MSI2: variants seen among roughly 807,000 people sequenced by gnomAD.
The protein encoded by MSI2 is musashi RNA binding protein 2.
In MSI2, 17 loss-of-function variants were observed where a neutral mutation model predicts 45.6. The observed-to-expected ratio is 0.37, with a 90% CI of 0.26 to 0.56. The LOEUF is 0.56. Among genes scored for constraint, MSI2 ranks in the 20% least tolerant of loss-of-function variants. The pLI is 0.77. For missense variants in MSI2, 293 were observed against 444.2 expected (o/e 0.66, Z 3.06); for synonymous variants, 156 against 158.2 (o/e 0.99, Z 0.11).
At chr17:57,609,039 T>C (rs906787583) in intron 8 of MSI2, among the ~76,000 whole-genome samples, 2 of 152,138 alleles carry the variant, frequency 1.3e-5, no homozygotes, top group African/African-American at 4.8e-5. Context: ...CCCTCCTGCC[T>C]CAGTAGCAAG....
chr17:57,647,825 A>G (rs534407929), intron 10 of MSI2, among the ~76,000 whole-genome samples: 144 of 151,868 alleles, frequency 9.5e-4, no homozygotes, highest in African/African-American at 3.4e-3. Flanking sequence ...TATTTTTAGT[A>G]GAGACAGGGT....
At chr17:57,579,751 G>A (rs1334238493) in intron 7 of MSI2, among the ~76,000 whole-genome samples, 1 of 152,212 alleles carries the variant, frequency 6.6e-6, no homozygotes. Flanking sequence ...GAGTGCTTCA[G>A]CATCTGATGG....
chr17:57,489,663 A>T (rs1449155438), intron 6 of MSI2, among the ~76,000 whole-genome samples: 3 of 152,058 alleles, frequency 2.0e-5, no homozygotes, highest in African/African-American at 7.2e-5. Context: ...AACCATCTCC[A>T]CCTTAACTCC....
In MSI2 at chr17:57,316,791, G is replaced by A. The variant is rs113787368; in HGVS notation, c.312+54599G>A. On this transcript the variant is annotated intron_variant, in intron 5 of 13. Transcript: ENST00000284073. ...CTATGGGAACTGAGTGAAGGCTTGA[G>A]GTCCGGTTTTGTGGATTCATCACAA... 7.3e-4 allele frequency among the ~76,000 whole-genome samples: 111 copies of A among 152,280 alleles called. 2 individuals carry two copies. The highest frequency in any genetic ancestry group is 2.7e-3 in the African/African-American group (111 of 41,556).
intron 6 of MSI2, among the ~76,000 whole-genome samples, chr17:57,427,134 C>T (rs1224438981): frequency 6.6e-6 from 1 of 152,234 alleles, no homozygotes; most frequent in African/African-American, 2.4e-5. Context: ...TGGTGGCTCA[C>T]ATCTGTAATC....
At chr17:57,309,989 G>A (rs964152992) in intron 5 of MSI2, among the ~76,000 whole-genome samples, 1 of 152,218 alleles carries the variant, frequency 6.6e-6, no homozygotes, top group Admixed American at 6.5e-5. Context: ...GGGCTGGGGA[G>A]TATGAAGGGT....
intron 10 of MSI2, chr17:57,630,992 C>G (rs543644663): frequency 1.7e-4 from 26 of 152,412 alleles, no homozygotes; most frequent in African/African-American, 6.3e-4. Flanking sequence ...CCCTGCCATG[C>G]CCCGGGGATC....
chr17:57,512,676 C>A (rs1217600404), intron 6 of MSI2, among the ~76,000 whole-genome samples: 3 of 152,210 alleles, frequency 2.0e-5, no homozygotes, highest in African/African-American at 7.2e-5. Flanking sequence ...CTTCTGCAGC[C>A]TTGTGGCAGG....
chr17:57,285,759 T>A (rs1909817059), intron 5 of MSI2: 1 of 1,159,534 alleles, frequency 8.6e-7, no homozygotes, highest in Non-Finnish European at 1.1e-6. Context: ...CATGGAACTC[T>A]ATTTTCTTAG....
intron 7 of MSI2, among the ~76,000 whole-genome samples, chr17:57,553,955 A>G (rs1021396079): frequency 6.6e-6 from 1 of 152,146 alleles, no homozygotes; most frequent in Non-Finnish European, 1.5e-5. Context: ...TAGGCTTAAC[A>G]ATTCTAGGAG....
At chr17:57,662,226 G>A (rs1912040377) in intron 11 of MSI2, among the ~76,000 whole-genome samples, 1 of 152,178 alleles carries the variant, frequency 6.6e-6, no homozygotes, top group Non-Finnish European at 1.5e-5. Flanking sequence ...GCTGTGATGG[G>A]CTGTTGAAAT....
At chr17:57,560,733 C>T (rs540052203) in intron 7 of MSI2, among the ~76,000 whole-genome samples, 10 of 152,250 alleles carry the variant, frequency 6.6e-5, no homozygotes, top group Middle Eastern at 3.4e-3. Flanking sequence ...CAATTACTGC[C>T]GGTATGGAGA....
intron 5 of MSI2, among the ~76,000 whole-genome samples, chr17:57,365,921 TA>T (rs925960717): frequency 1.3e-5 from 2 of 152,168 alleles, no homozygotes; most frequent in African/African-American, 4.8e-5. Flanking sequence ...CAATGTTGAC[TA>T]TTTTTTTTGA....
intron 1 of MSI2, 104 bp downstream of exon 1, chr17:57,256,908 T>TCCC: frequency 4.7e-6 from 1 of 213,240 alleles, no homozygotes. Flanking sequence ...CCCCCCCGCC[T>TCCC]CTCCCGCGCG....
intron 6 of MSI2, among the ~76,000 whole-genome samples, chr17:57,409,124 A>G (rs2084140702): frequency 6.6e-6 from 1 of 152,214 alleles, no homozygotes; most frequent in East Asian, 1.9e-4. Flanking sequence ...TCGAAGCCAT[A>G]TTAGTGAGAG....
At chr17:57,370,992 G>A (rs1245124102) in intron 5 of MSI2, among the ~76,000 whole-genome samples, 4 of 152,218 alleles carry the variant, frequency 2.6e-5, no homozygotes, top group Non-Finnish European at 5.9e-5. Context: ...GGAGAATCCT[G>A]TAAGGTCAAT....
downstream of MSI2, among the ~76,000 whole-genome samples, chr17:57,687,452 A>C (rs1375861762): frequency 6.6e-6 from 1 of 152,068 alleles, no homozygotes; most frequent in Non-Finnish European, 1.5e-5. Context: ...AGAATATGAA[A>C]GGAGTTAACA....
chr17:57,669,318 G>T (rs974846809), intron 11 of MSI2, among the ~76,000 whole-genome samples: 11 of 152,230 alleles, frequency 7.2e-5, no homozygotes, highest in Admixed American at 5.2e-4. Context: ...GCTGTTCAGA[G>T]GGACTGATGC....
At position 57,684,605 on chromosome 17, in the gene MSI2, G is replaced by T. The variant is rs1913811287; in HGVS notation, c.*5088G>T. On this transcript the variant is annotated 3_prime_UTR_variant, in exon 14 of 14. Coordinates refer to ENST00000284073, the MANE Select transcript of MSI2 (RefSeq NM_138962.4). ...TTTCAAATAAATAAGTTTGTGAAAGGTTTCCATCCTCTACTGTGGTCCAGA... is the reference window on the plus strand; with the variant it reads ...TTTCAAATAAATAAGTTTGTGAAAGTTTTCCATCCTCTACTGTGGTCCAGA... 1 of 165,256 alleles carries T rather than the reference G, an allele frequency of 6.1e-6. No individual in the cohort carries two copies. Among genetic ancestry groups the T allele is most frequent in the Non-Finnish European group, 1.3e-5 (1 of 75,726 alleles). 10.2% of individuals were successfully genotyped at this position (165,256 alleles called of 1,614,324 possible). A position where few individuals can be genotyped will look rare whatever the true frequency, so the allele number is the denominator to read the frequency against.
Sources: allele counts gnomAD v4.1 joint callset (sites outside exome capture counted in the v4.1 genomes callset), GRCh38; gene constraint gnomAD v4.1.1; transcripts MANE v1.5; gene names NCBI Gene and HGNC (gene_info 2026-07-23, HGNC 2026-07-21).